Variants in PROM1 observed in about 807,000 individuals in gnomAD.
The protein encoded by PROM1 is prominin-1.
In PROM1, 105 loss-of-function variants were observed where a neutral mutation model predicts 116.9. That is an observed-to-expected ratio of 0.90 (90% CI 0.77 to 1.06). PROM1 has a LOEUF of 1.06. Among genes scored for constraint, PROM1 ranks in the 50% least tolerant of loss-of-function variants. The pLI is 0.00. For missense variants in PROM1, 1,122 were observed against 1,045.2 expected, an observed-to-expected ratio of 1.07 and a Z score of -1.01; for synonymous variants, 393 against 387.0, an observed-to-expected ratio of 1.02 and a Z score of -0.18.
chr4:16,040,929 G>T (rs1735069172), intron 2 of PROM1, among the ~76,000 whole-genome samples: 1 of 151,840 alleles, frequency 6.6e-6, no homozygotes, highest in South Asian at 2.1e-4. Flanking sequence ...AAAACAAAAT[G>T]AAAAACTTTG....
chr4:15,995,447 G>T (rs1442772764), intron 15 of PROM1, among the ~76,000 whole-genome samples: 1 of 152,126 alleles, frequency 6.6e-6, no homozygotes. Context: ...GAAGATTTAA[G>T]AAAGATTTAG....
intron 14 of PROM1, 109 bp from the exon 15 acceptor site, chr4:15,998,597 A>T (rs1722906939): frequency 1.7e-6 from 2 of 1,191,970 alleles, no homozygotes; most frequent in Non-Finnish European, 2.2e-6. Flanking sequence ...TTTTCATAAC[A>T]TTATTTTTCT....
Position 15,969,304 on chromosome 4 carries a change from A to G in PROM1, c.*89T>C, listed in dbSNP as rs1713788608. 1 of 151,950 alleles carries G rather than the reference A, an allele frequency of 6.6e-6. No individual in the cohort carries two copies. The highest frequency in any genetic ancestry group is 2.4e-5 in the African/African-American group (1 of 41,232). 9.4% of individuals were successfully genotyped at this position (151,950 alleles called of 1,614,324 possible). ...CCACTGGCGTTGCTCCTGGATTTGG[A>G]AAGTCCTTGTAGACCCAGAAACTAC... On this transcript the variant is annotated 3_prime_UTR_variant, in exon 28 of 28. Coordinates refer to ENST00000447510, the MANE Select transcript of PROM1 (RefSeq NM_006017.3).
intron 26 of PROM1, among the ~76,000 whole-genome samples, chr4:15,976,728 T>C (rs1323795082): frequency 1.3e-5 from 2 of 152,196 alleles, no homozygotes; most frequent in Admixed American, 6.5e-5. Flanking sequence ...CCCTTTCAAT[T>C]GCAGGAGGAC....
At chr4:16,055,813 T>A (rs938176507) in intron 2 of PROM1, among the ~76,000 whole-genome samples, 43 of 152,292 alleles carry the variant, frequency 2.8e-4, no homozygotes, top group Non-Finnish European at 5.4e-4. Flanking sequence ...GACCTTCTGG[T>A]GGATTGATAA....
chr4:16,025,310 AT>A lies in PROM1; in HGVS notation c.511del (p.Ile171LeufsTer13). 1 of 1,613,784 alleles carries A rather than the reference AT, an allele frequency of 6.2e-7. No homozygotes were observed. The highest frequency in any genetic ancestry group is 8.5e-7 in the Non-Finnish European group (1 of 1,179,692). On this transcript the variant is annotated frameshift_variant and splice_region_variant, in exon 6 of 28. Coordinates refer to ENST00000447510, the MANE Select transcript of PROM1 (RefSeq NM_006017.3). LOFTEE classifies it high-confidence loss of function. ...TGCCACAAAACCATAGAAGATGCCAATGCTGCAGGAAAAGGCAGAGAGAAGA... is the reference window on the plus strand; with the variant it reads ...TGCCACAAAACCATAGAAGATGCCAAGCTGCAGGAAAAGGCAGAGAGAAGA... ...SLLVICIIISIGIFYGFVANH... is the reference protein window; with the variant it reads ...SLLVICIIISXGIFYGFVANH...
At chr4:16,029,885 C>T (rs551106990) in intron 5 of PROM1, among the ~76,000 whole-genome samples, 2 of 152,162 alleles carry the variant, frequency 1.3e-5, no homozygotes, top group Non-Finnish European at 2.9e-5. Context: ...CAGCTAGAGG[C>T]CCTGCATTAA....
At chr4:16,066,249 TG>T (rs200158191) in intron 2 of PROM1, among the ~76,000 whole-genome samples, 2,171 of 152,348 alleles carry the variant, frequency 0.014, 58 homozygotes, top group African/African-American at 0.049. Flanking sequence ...TCTTTGTCCA[TG>T]TCATCACCAA....
At chr4:15,970,548 C>CACATATAATAATAA (rs1714242931) in intron 27 of PROM1, among the ~76,000 whole-genome samples, 1 of 151,484 alleles carries the variant, frequency 6.6e-6, no homozygotes, top group Non-Finnish European at 1.5e-5. Flanking sequence ...CACATACTCA[C>CACATATAATAATAA]TGTGTGTGTG....
At chr4:16,028,411 TC>T (rs1339907138) in intron 5 of PROM1, among the ~76,000 whole-genome samples, 1 of 152,200 alleles carries the variant, frequency 6.6e-6, no homozygotes, top group African/African-American at 2.4e-5. Context: ...TATTACCGTA[TC>T]TTCCCATTAT....
chr4:16,021,249 AAG>A (rs1729790309), intron 8 of PROM1, among the ~76,000 whole-genome samples: 1 of 152,232 alleles, frequency 6.6e-6, no homozygotes, highest in Non-Finnish European at 1.5e-5. Flanking sequence ...TGAAGAGAAA[AAG>A]AGAATCTTTG....
intron 26 of PROM1, among the ~76,000 whole-genome samples, chr4:15,973,894 C>T (rs965625909): frequency 6.6e-6 from 1 of 152,132 alleles, no homozygotes; most frequent in South Asian, 2.1e-4. Context: ...GCGGTGACGA[C>T]AGCCATAGAG....
chr4:16,008,859 A>C, intron 12 of PROM1, 90 bp downstream of exon 12: 1 of 1,293,370 alleles, frequency 7.7e-7, no homozygotes, highest in Non-Finnish European at 1.1e-6. Flanking sequence ...ATTTGCTCTC[A>C]TAAGATTATC....
intron 9 of PROM1, among the ~76,000 whole-genome samples, chr4:16,017,447 G>T (rs1012965658): frequency 1.3e-5 from 2 of 152,186 alleles, no homozygotes; most frequent in African/African-American, 4.8e-5. Context: ...CACAGATGTC[G>T]CAGGTGAAAT....
intron 26 of PROM1, among the ~76,000 whole-genome samples, chr4:15,973,510 T>C (rs753046172): frequency 1.1e-4 from 16 of 152,182 alleles, no homozygotes; most frequent in Non-Finnish European, 1.9e-4. Context: ...ACAGCCGAAC[T>C]AGCAAGAAGG....
At chr4:16,064,405 CTA>C (rs1741043989) in intron 2 of PROM1, among the ~76,000 whole-genome samples, 1 of 152,160 alleles carries the variant, frequency 6.6e-6, no homozygotes, top group African/African-American at 2.4e-5. Flanking sequence ...AATAATTAAT[CTA>C]TACTACGGAA....
At chr4:16,070,162 C>T (rs1359167661) in intron 2 of PROM1, among the ~76,000 whole-genome samples, 3 of 152,128 alleles carry the variant, frequency 2.0e-5, no homozygotes, top group Non-Finnish European at 4.4e-5. Context: ...TTAGATCAAC[C>T]TCTCAAGATT....
At chr4:16,048,636 C>T (rs1737094278) in intron 2 of PROM1, among the ~76,000 whole-genome samples, 1 of 152,006 alleles carries the variant, frequency 6.6e-6, no homozygotes, top group South Asian at 2.1e-4. Flanking sequence ...ATATCAGTTC[C>T]TCTCCTTTAG....
At chr4:15,999,851 A>G (rs1341009658) in intron 14 of PROM1, among the ~76,000 whole-genome samples, 1 of 152,058 alleles carries the variant, frequency 6.6e-6, no homozygotes, top group Admixed American at 6.5e-5. Context: ...TCTGGAGAAA[A>G]AAAAAACACA....
Sources: gnomAD v4.1 joint callset for allele counts (sites outside exome capture counted in the v4.1 genomes callset) on GRCh38, gnomAD v4.1.1 for gene constraint, MANE v1.5 for transcripts, NCBI Gene and HGNC (gene_info 2026-07-23, HGNC 2026-07-21) for gene names.